FLT3: variants seen among roughly 807,000 people sequenced by gnomAD.
The protein encoded by FLT3 is receptor-type tyrosine-protein kinase FLT3.
A neutral mutation model predicts 126.6 loss-of-function variants in FLT3; 46 were observed. The observed-to-expected ratio is 0.36, with a 90% CI of 0.29 to 0.46. The LOEUF (loss-of-function observed/expected upper bound fraction) is 0.46, where lower values mean the gene tolerates loss of function less well. Ranked by LOEUF, FLT3 falls within the 20% of genes least tolerant of loss-of-function variation. The probability of loss-of-function intolerance (pLI) is 1.00; values close to 1 mark genes in which losing one functional copy is unlikely to be tolerated. For missense variants in FLT3, 1,069 were observed against 1,190.3 expected (o/e 0.90, Z 1.50); for synonymous variants, 404 against 434.4 (o/e 0.93, Z 0.87).
intron 1 of FLT3, among the ~76,000 whole-genome samples, chr13:28,080,204 C>T (rs1033444566): frequency 2.6e-5 from 4 of 152,128 alleles, no homozygotes; most frequent in Admixed American, 6.5e-5. Context: ...GGTGAAACCC[C>T]GTCTCTACTA....
chr13:28,039,723 A>G (rs1874178196), intron 9 of FLT3, among the ~76,000 whole-genome samples: 1 of 150,824 alleles, frequency 6.6e-6, no homozygotes, highest in East Asian at 2.0e-4. Context: ...TAATTTTTAT[A>G]TTTTTCATAG....
chr13:28,094,566 C>T (rs1879332660), intron 1 of FLT3, among the ~76,000 whole-genome samples: 1 of 152,104 alleles, frequency 6.6e-6, no homozygotes, highest in Admixed American at 6.6e-5. Context: ...GTGGCATGGT[C>T]GTAGCTCACT....
rs2137645062 is a variant in FLT3, at chr13:28,025,081, C to T, written c.2208-138G>A. On this transcript the variant is annotated intron_variant, in intron 17 of 23. Coordinates refer to ENST00000241453, the MANE Select transcript of FLT3 (RefSeq NM_004119.3). ...ATTAAAAGCACACCATCCATTTGTC[C>T]ATTTTTTGTGTACATTAAAAACATC... The T allele has an allele frequency of 4.8e-6, 3 of 630,576 alleles. No homozygotes were observed. The East Asian group carries it at 8.3e-5, about 18-fold the overall frequency. 39.1% of individuals were successfully genotyped at this position (630,576 alleles called of 1,614,324 possible). A position where few individuals can be genotyped will look rare whatever the true frequency, so the allele number is the denominator to read the frequency against.
At chr13:28,062,990 G>A (rs187297208) in intron 2 of FLT3, among the ~76,000 whole-genome samples, 107 of 152,136 alleles carry the variant, frequency 7.0e-4, no homozygotes, top group African/African-American at 2.5e-3. Context: ...ATCACCCCTA[G>A]CAAACTAATC....
At chr13:28,040,448 T>C (rs1314007080) in intron 9 of FLT3, among the ~76,000 whole-genome samples, 1 of 151,968 alleles carries the variant, frequency 6.6e-6, no homozygotes, top group African/African-American at 2.4e-5. Flanking sequence ...ACACCTGTAA[T>C]CCCAACACTT....
chr13:28,032,115 A>G (rs965387759), intron 15 of FLT3, among the ~76,000 whole-genome samples: 3 of 152,186 alleles, frequency 2.0e-5, no homozygotes, highest in African/African-American at 7.2e-5. Flanking sequence ...GTGCCCAACT[A>G]TATAGAATGT....
intron 17 of FLT3, among the ~76,000 whole-genome samples, chr13:28,026,290 C>T (rs925997497): frequency 7.1e-6 from 1 of 140,182 alleles, no homozygotes; most frequent in Middle Eastern, 3.6e-3. Context: ...GTGGAGGTTG[C>T]AGTGAGCCGA....
chr13:28,067,003 G>A (rs896100227), intron 2 of FLT3, among the ~76,000 whole-genome samples: 4 of 152,122 alleles, frequency 2.6e-5, no homozygotes, highest in Admixed American at 2.0e-4. Context: ...TGAATATGAT[G>A]CTCTGGGAAG....
In FLT3 at chr13:28,061,847, G is replaced by C; in HGVS notation, c.368+20C>G. ...CCAAATGAACCACATTTTATGTCAAGAAGGTATTCCTCCACTTACCTGTTT... is the reference window on the plus strand; with the variant it reads ...CCAAATGAACCACATTTTATGTCAACAAGGTATTCCTCCACTTACCTGTTT... On this transcript the variant is annotated intron_variant, in intron 3 of 23. Coordinates refer to ENST00000241453, the MANE Select transcript of FLT3 (RefSeq NM_004119.3). 2 of 1,583,556 alleles carry C rather than the reference G, an allele frequency of 1.3e-6. No homozygotes were observed. The highest frequency in any genetic ancestry group is 1.7e-6 in the Non-Finnish European group (2 of 1,153,244).
Position 28,100,499 on chromosome 13 carries a change from C to T in FLT3, c.12G>A (p.Leu4=). The T allele has an allele frequency of 8.2e-7, 1 of 1,216,668 alleles. No homozygotes were observed. Among genetic ancestry groups the T allele is most frequent in the South Asian group, 4.1e-5 (1 of 24,234 alleles). The allele number at this position is 1,216,668 out of a possible 1,614,324, so 75.4% of individuals were successfully genotyped here. A position where few individuals can be genotyped will look rare whatever the true frequency, so the allele number is the denominator to read the frequency against. The change falls in exon 1 of 24, where the codon TTG becomes TTA. Residue 4 remains leucine (L), a synonymous_variant. Coordinates refer to ENST00000241453, the MANE Select transcript of FLT3 (RefSeq NM_004119.3). This position sits in a 1 kb window ranked among gnomAD's most constrained non-coding sequence, Gnocchi z 4.8. ...GCGGCAGCTGGCCGCCGTCGCGCGCCAACGCCGGCATGGCCTCCGGAGCCC... is the reference window on the plus strand; with the variant it reads ...GCGGCAGCTGGCCGCCGTCGCGCGCTAACGCCGGCATGGCCTCCGGAGCCC... The part of the protein sequence containing the change: MPA[L]ARDGGQLPLL...
chr13:28,053,802 T>C (rs1253212200), intron 4 of FLT3, among the ~76,000 whole-genome samples: 1 of 151,934 alleles, frequency 6.6e-6, no homozygotes, highest in African/African-American at 2.4e-5. Flanking sequence ...ATTCTATTGG[T>C]AAATATATCA....
chr13:28,034,237 CAGTT>C (rs1467082057), intron 13 of FLT3, 23 bp from the exon 14 acceptor site: 2 of 1,613,802 alleles, frequency 1.2e-6, no homozygotes, highest in Non-Finnish European at 1.7e-6. Context: ...AATGATGAGT[CAGTT>C]AGGAATAGGC....
chr13:28,045,934 CAAAAAA>C (rs57916548), intron 9 of FLT3, among the ~76,000 whole-genome samples: 89 of 122,774 alleles, frequency 7.2e-4, no homozygotes, highest in African/African-American at 2.3e-3. Flanking sequence ...CAATGGTTCT[CAAAAAA>C]AAAAAAAAAA....
At chr13:28,039,599 A>G (rs1566075819) in intron 9 of FLT3, among the ~76,000 whole-genome samples, 1 of 134,882 alleles carries the variant, frequency 7.4e-6, no homozygotes. Context: ...CCCAGGCTGG[A>G]GTTCAGTGGC....
Position 28,048,296 on chromosome 13 carries a change from T to G in FLT3, c.1184A>C (p.Lys395Thr). The G allele has an allele frequency of 1.2e-6, 2 of 1,613,556 alleles. No individual in the cohort carries two copies. The highest frequency in any genetic ancestry group is 1.7e-6 in the Non-Finnish European group (2 of 1,179,676). ...TCACCTGTATCCGTTATCAAGACCCTTTTGCTCACAAGGAAATGATTTTCG... is the reference window on the plus strand; with the variant it reads ...TCACCTGTATCCGTTATCAAGACCCGTTTGCTCACAAGGAAATGATTTTCG... ...FSRKSFPCEQ[K>T]GLDNGYSISK... Residue 395 changes from lysine (K) to threonine (T), a missense_variant, in exon 9 of 24, where the codon AAG (lysine) becomes ACG (threonine). Lys to Thr is a moderately conservative substitution (Grantham distance 78). Coordinates refer to ENST00000241453, the MANE Select transcript of FLT3 (RefSeq NM_004119.3).
intron 1 of FLT3, among the ~76,000 whole-genome samples, chr13:28,081,844 C>CTTTTTTTTTTTTTTTTTTTTTTTTTT (rs35243277): frequency 3.1e-5 from 2 of 64,974 alleles, no homozygotes; most frequent in African/African-American, 7.0e-5. Flanking sequence ...TACTTTGATT[C>CTTTTTTTTTTTTTTTTTTTTTTTTTT]TTTTTTTTTT....
chr13:28,035,661 C>G lies in FLT3; in HGVS notation c.1431G>C (p.Glu477Asp), dbSNP rs761185360. 6.2e-7 allele frequency: 1 copy of G among 1,606,844 alleles called. No individual in the cohort carries two copies. The highest frequency in any genetic ancestry group is 1.7e-5 in the Admixed American group (1 of 57,988). Reference protein sequence around the residue: ...CSDKSPNCTEEITEGVWNRKA... With the variant: ...CSDKSPNCTEDITEGVWNRKA... Reference sequence around the variant, plus strand: ...TTCTATTCCAGACTCCTTCTGTGATCTCTTCTGTGCAGCTGAAAAAAAAAA... The same window carrying G: ...TTCTATTCCAGACTCCTTCTGTGATGTCTTCTGTGCAGCTGAAAAAAAAAA... Residue 477 changes from glutamate (E) to aspartate (D), a missense_variant, in exon 12 of 24, where the codon GAG (glutamate) becomes GAC (aspartate). Coordinates refer to ENST00000241453, the MANE Select transcript of FLT3 (RefSeq NM_004119.3).
chr13:28,026,144 A>G (rs1872777137), intron 17 of FLT3, among the ~76,000 whole-genome samples: 2 of 152,068 alleles, frequency 1.3e-5, no homozygotes, highest in Non-Finnish European at 2.9e-5. Flanking sequence ...TGAGGTCAGG[A>G]GTTCAACACC....
chr13:28,011,740 CTTTT>C (rs945397110), intron 23 of FLT3, among the ~76,000 whole-genome samples: 1 of 143,082 alleles, frequency 7.0e-6, no homozygotes, highest in African/African-American at 2.5e-5. Context: ...TTTCTTCTTT[CTTTT>C]TTTTCTCTCT....
Sources: allele counts gnomAD v4.1 joint callset (sites outside exome capture counted in the v4.1 genomes callset), GRCh38; gene constraint gnomAD v4.1.1; non-coding constraint Gnocchi (gnomAD v3.1); transcripts MANE v1.5; gene names NCBI Gene and HGNC (gene_info 2026-07-23, HGNC 2026-07-21).